Variants in SIMC1 observed in about 807,000 individuals in gnomAD.
SIMC1 encodes SUMO-interacting motif-containing protein 1.
SIMC1 carries 55 observed loss-of-function variants against 82.3 expected under a neutral mutation model. The ratio of observed to expected loss-of-function variants is 0.67; its 90% CI spans 0.54 to 0.84. The LOEUF (loss-of-function observed/expected upper bound fraction) is 0.84. SIMC1 is among the 40% of genes least tolerant of loss of function. SIMC1 has a pLI of 0.00. For missense variants in SIMC1, 915 were observed against 1,107.2 expected, an observed-to-expected ratio of 0.83 and a Z score of 2.46; for synonymous variants, 353 against 426.3, an observed-to-expected ratio of 0.83 and a Z score of 2.12.
At chr5:176,338,903 T>G (rs1423640781) in intron 9 of SIMC1, among the ~76,000 whole-genome samples, 1 of 152,186 alleles carries the variant, frequency 6.6e-6, no homozygotes, top group African/African-American at 2.4e-5. Context: ...GGCCTCGGTT[T>G]CTTCCTTCTA....
intron 4 of SIMC1, among the ~76,000 whole-genome samples, chr5:176,305,834 G>A (rs1764333562): frequency 1.7e-5 from 1 of 59,672 alleles, no homozygotes; most frequent in African/African-American, 7.2e-5. Flanking sequence ...CCGGCCAGCC[G>A]CCCCGTCCGG....
At chr5:176,287,724 A>G (rs1324299516) in intron 1 of SIMC1, among the ~76,000 whole-genome samples, 3 of 151,802 alleles carry the variant, frequency 2.0e-5, no homozygotes, top group East Asian at 1.9e-4. Flanking sequence ...GAAAAAAAAA[A>G]TCCTAAGGAA....
intron 7 of SIMC1, among the ~76,000 whole-genome samples, chr5:176,334,927 C>T (rs1765817513): frequency 6.6e-6 from 1 of 151,740 alleles, no homozygotes; most frequent in South Asian, 2.1e-4. Context: ...CATGTCTCTA[C>T]TAAAAATACA....
chr5:176,299,383 C>A (rs1763947247), intron 4 of SIMC1, among the ~76,000 whole-genome samples: 1 of 149,118 alleles, frequency 6.7e-6, no homozygotes. Flanking sequence ...CATAGCAAGA[C>A]CCTGTCTCTA....
chr5:176,249,864 A>C (rs900362499), intron 1 of SIMC1, among the ~76,000 whole-genome samples: 2 of 150,430 alleles, frequency 1.3e-5, no homozygotes, highest in Non-Finnish European at 3.0e-5. Context: ...AAAAAAAAAA[A>C]CCAGCTCCTG....
At chr5:176,280,457 T>G (rs1355868615) in intron 1 of SIMC1, among the ~76,000 whole-genome samples, 1 of 152,168 alleles carries the variant, frequency 6.6e-6, no homozygotes, top group Non-Finnish European at 1.5e-5. Flanking sequence ...TATTGTTATG[T>G]GTGAATTTGA....
intron 1 of SIMC1, among the ~76,000 whole-genome samples, chr5:176,261,690 T>G (rs112205353): frequency 7.9e-5 from 12 of 151,788 alleles, no homozygotes; most frequent in South Asian, 4.2e-4. Context: ...GGAAGTTGCA[T>G]TGGGCTGAGA....
In SIMC1 at chr5:176,336,854, C is replaced by G. The variant is rs1765920805; in HGVS notation, c.2306C>G (p.Ser769Cys). Residue 769 changes from serine to cysteine, a missense_variant, in exon 8 of 10, where the codon TCT becomes TGT. Ser to Cys is a moderately radical substitution (Grantham distance 112). This residue lies in a region of SIMC1 where 902 missense variants were observed against 1,040.3 expected (regional missense o/e 0.87). Transcript: ENST00000429602. ...CAGGCCCTCTACTTTCTGAATAATTCTACGTCACTGCTCAAGTGTCAGGTA... is the reference window on the plus strand; with the variant it reads ...CAGGCCCTCTACTTTCTGAATAATTGTACGTCACTGCTCAAGTGTCAGGTA... ...LAQALYFLNNSTSLLKCQSDK... is the reference protein window; with the variant it reads ...LAQALYFLNNCTSLLKCQSDK... 1 of 1,613,896 alleles carries G rather than the reference C, an allele frequency of 6.2e-7. No individual in the cohort carries two copies. The highest frequency in any genetic ancestry group is 1.7e-5 in the Admixed American group (1 of 59,994).
chr5:176,247,805 G>A (rs530647847), intron 1 of SIMC1, among the ~76,000 whole-genome samples: 14 of 151,564 alleles, frequency 9.2e-5, no homozygotes, highest in East Asian at 1.9e-4. Context: ...GAAGGGGCCC[G>A]GTTTCAGTTT....
chr5:176,276,941 A>G (rs1354165494), intron 1 of SIMC1, among the ~76,000 whole-genome samples: 3 of 150,840 alleles, frequency 2.0e-5, no homozygotes, highest in African/African-American at 7.3e-5. Flanking sequence ...AGCATGATTT[A>G]TAGTCCTTTG....
At chr5:176,323,317 C>A (rs1222508050) in intron 6 of SIMC1, among the ~76,000 whole-genome samples, 1 of 152,154 alleles carries the variant, frequency 6.6e-6, no homozygotes, top group East Asian at 1.9e-4. Flanking sequence ...GGACACTGTT[C>A]CTTCAATGGA....
Position 176,345,371 on chromosome 5 carries a change from A to C in SIMC1, c.2602A>C (p.Lys868Gln), listed in dbSNP as rs368197803. The C allele has an allele frequency of 3.7e-6, 6 of 1,613,840 alleles. No individual in the cohort carries two copies. Among genetic ancestry groups the C allele is most frequent in the Non-Finnish European group, 5.1e-6 (6 of 1,179,892 alleles). ...ACTCCAAGACAAAGTGCACTTGTTG[A>C]AGCTCCTGCTCTTCTATGCTGCGGA... The part of the protein sequence containing the change: ...PQLQDKVHLL[K>Q]LLLFYAADLN... The change falls in exon 10 of 10, where the codon AAG becomes CAG. Residue 868 changes from lysine to glutamine, a missense_variant. Around this residue, in one of 2 missense-constraint regions of SIMC1, gnomAD observed 902 missense variants for 1,040.3 expected, o/e 0.87. Transcript: ENST00000429602.
chr5:176,342,186 A>C (rs1201733281), intron 9 of SIMC1, among the ~76,000 whole-genome samples: 2 of 152,188 alleles, frequency 1.3e-5, no homozygotes, highest in Non-Finnish European at 2.9e-5. Context: ...CACATGCCTT[A>C]AGAAAATCAA....
intron 7 of SIMC1, among the ~76,000 whole-genome samples, chr5:176,335,917 C>T (rs1315518436): frequency 6.6e-6 from 1 of 152,002 alleles, no homozygotes; most frequent in Non-Finnish European, 1.5e-5. Flanking sequence ...GTGGCACACT[C>T]CTGTAGTTCC....
chr5:176,283,621 G>C (rs1763122395), intron 1 of SIMC1, among the ~76,000 whole-genome samples: 1 of 152,144 alleles, frequency 6.6e-6, no homozygotes, highest in Admixed American at 6.6e-5. Flanking sequence ...ATCAACTAAT[G>C]AGCAAACTAA....
intron 4 of SIMC1, among the ~76,000 whole-genome samples, chr5:176,306,773 T>C (rs564646054): frequency 1.4e-5 from 2 of 147,704 alleles, no homozygotes; most frequent in East Asian, 4.0e-4. Flanking sequence ...ACACAAACAC[T>C]GCGGAGGCCG....
chr5:176,295,516 C>T (rs897820667), intron 3 of SIMC1, among the ~76,000 whole-genome samples: 1 of 152,152 alleles, frequency 6.6e-6, no homozygotes, highest in African/African-American at 2.4e-5. Flanking sequence ...AAAATGGTTA[C>T]CAGGGTTCAT....
chr5:176,259,378 A>G (rs1761943325), intron 1 of SIMC1, among the ~76,000 whole-genome samples: 1 of 152,104 alleles, frequency 6.6e-6, no homozygotes, highest in Non-Finnish European at 1.5e-5. Context: ...TGAACCTGGG[A>G]GGCAGAGGTT....
chr5:176,265,462 G>A (rs1762169632), intron 1 of SIMC1, among the ~76,000 whole-genome samples: 1 of 152,186 alleles, frequency 6.6e-6, no homozygotes, highest in African/African-American at 2.4e-5. Context: ...GCAGTTTGCT[G>A]GTATAGGTGA....
Sources: gnomAD v4.1 joint callset for allele counts (sites outside exome capture counted in the v4.1 genomes callset) on GRCh38, gnomAD v4.1.1 for gene constraint, gnomAD v4.1.1 regional missense constraint, MANE v1.5 for transcripts, NCBI Gene and HGNC (gene_info 2026-07-23, HGNC 2026-07-21) for gene names.